The following AKAP9 variants were observed in gnomAD, a reference collection of about 807,000 sequenced individuals.
AKAP9 encodes the protein A-kinase anchoring protein 9.
Under a neutral mutation model 488.5 loss-of-function variants are expected in AKAP9, and 311 were observed. That is an observed-to-expected ratio of 0.64 (90% CI 0.58 to 0.70). The LOEUF is 0.70. AKAP9 is among the 30% of genes least tolerant of loss of function. The probability of loss-of-function intolerance (pLI) is 0.00; values close to 1 mark genes in which losing one functional copy is unlikely to be tolerated. For missense variants in AKAP9, 4,215 were observed against 4,374.5 expected (o/e 0.96, Z 1.03); for synonymous variants, 1,462 against 1,483.5 (o/e 0.99, Z 0.33).
chr7:92,096,248 C>G (rs549574556), intron 40 of AKAP9, among the ~76,000 whole-genome samples: 1 of 151,362 alleles, frequency 6.6e-6, no homozygotes, highest in South Asian at 2.1e-4. Context: ...AGTTAATAAA[C>G]TAAATAATCA....
intron 9 of AKAP9, 139 bp downstream of exon 9, chr7:92,012,781 A>G (rs949736117): frequency 3.6e-5 from 25 of 693,272 alleles, no homozygotes; most frequent in Middle Eastern, 4.0e-4. Flanking sequence ...ATCACTAGAC[A>G]TTCATTTAAG....
chr7:92,003,284 A>T, intron 8 of AKAP9, 49 bp downstream of exon 8: 2 of 1,385,248 alleles, frequency 1.4e-6, no homozygotes, highest in Non-Finnish European at 2.0e-6. Flanking sequence ...AAAAATGTAC[A>T]TTTCACACTA....
intron 1 of AKAP9, among the ~76,000 whole-genome samples, chr7:91,965,343 C>G (rs980233475): frequency 1.3e-5 from 2 of 152,158 alleles, no homozygotes; most frequent in Non-Finnish European, 2.9e-5. Context: ...CATTTGTGTC[C>G]ATGGTGCTGC....
At chr7:91,988,502 C>G (rs1175055497) in intron 3 of AKAP9, among the ~76,000 whole-genome samples, 1 of 151,886 alleles carries the variant, frequency 6.6e-6, no homozygotes, top group African/African-American at 2.4e-5. Context: ...GATTTCTGGG[C>G]AGTATGTAAC....
chr7:92,109,941 A>G (rs1227118768), intron 49 of AKAP9, among the ~76,000 whole-genome samples, 181 bp from the exon 50 acceptor site: 1 of 151,830 alleles, frequency 6.6e-6, no homozygotes, highest in East Asian at 1.9e-4. Flanking sequence ...ACAGAGTAAC[A>G]CTCCACCTTG....
In AKAP9 at chr7:91,974,019, T is replaced by A. The variant is rs1188889472; in HGVS notation, c.306+51T>A. ...CATTATGGTTCTCGATGGAAAGTAG[T>A]CATAACAACAGTCATTAGCAACTGT... is the stretch of plus-strand genomic sequence containing the variant. On this transcript the variant is annotated intron_variant, in intron 2 of 49. Transcript: ENST00000356239. The A allele has an allele frequency of 3.1e-6, 5 of 1,602,876 alleles. No homozygotes were observed. The South Asian group carries it at 5.5e-5, about 18-fold the overall frequency.
At chr7:91,985,001 AAG>A (rs1796884485) in intron 3 of AKAP9, among the ~76,000 whole-genome samples, 1 of 152,174 alleles carries the variant, frequency 6.6e-6, no homozygotes, top group Non-Finnish European at 1.5e-5. Context: ...GACTTTGCTT[AAG>A]GAGATTTTGG....
In AKAP9 at chr7:92,001,035, TAAAA is replaced by T; in HGVS notation, c.1121_1124del (p.Lys374ThrfsTer2). 1.3e-6 allele frequency: 2 copies of T among 1,588,342 alleles called. No homozygotes were observed. Among genetic ancestry groups the T allele is most frequent in the Non-Finnish European group, 1.7e-6 (2 of 1,168,568 alleles). Reference sequence around the variant, plus strand: ...CAGATTGTGCAAAAGAACCAAGAAATAAAAAACATGAAATTAGAGCTGACTAATT... The same window carrying T: ...CAGATTGTGCAAAAGAACCAAGAAATAACATGAAATTAGAGCTGACTAATT... On this transcript the variant is annotated frameshift_variant, in exon 8 of 50. Transcript: ENST00000356239. LOFTEE classifies it high-confidence loss of function.
intron 25 of AKAP9, among the ~76,000 whole-genome samples, chr7:92,065,925 A>AT (rs1175443961): frequency 2.6e-5 from 4 of 151,230 alleles, no homozygotes; most frequent in Admixed American, 1.3e-4. Flanking sequence ...CTAATTTCAC[A>AT]TTTTTTTTTC....
Position 92,107,309 on chromosome 7 carries a change from C to T in AKAP9, c.11433C>T (p.Asp3811=). 1 of 1,613,850 alleles carries T rather than the reference C, an allele frequency of 6.2e-7. No homozygotes were observed. Among genetic ancestry groups the T allele is most frequent in the Non-Finnish European group, 8.5e-7 (1 of 1,179,904 alleles). The part of the protein sequence containing the change: ...FGLNQGAEKT[D]SFYHSSGGLE... ...TTACTTTAGGTGCAGAAAAGACTGA[C>T]TCATTTTATCATTCTTCTGGTGGGC... The change falls in exon 48 of 50, where the codon GAC becomes GAT. Residue 3811 remains aspartate, a synonymous_variant. Transcript: ENST00000356239.
chr7:92,062,526 T>C, intron 24 of AKAP9, 40 bp downstream of exon 24: 1 of 1,560,740 alleles, frequency 6.4e-7, no homozygotes, highest in East Asian at 2.2e-5. Context: ...GTCCTCTGAT[T>C]TTATTTGTAT....
chr7:91,960,288 C>T (rs1793571125), intron 1 of AKAP9, among the ~76,000 whole-genome samples: 1 of 152,080 alleles, frequency 6.6e-6, no homozygotes, highest in Non-Finnish European at 1.5e-5. Context: ...CCAGTCTTGT[C>T]AAAAAAGCAC....
chr7:91,961,034 T>C (rs1793668431), intron 1 of AKAP9, among the ~76,000 whole-genome samples: 1 of 152,200 alleles, frequency 6.6e-6, no homozygotes, highest in Non-Finnish European at 1.5e-5. Flanking sequence ...GACTAAAGGG[T>C]CCTACTGTTA....
At chr7:91,983,730 T>C (rs2130602894) in intron 3 of AKAP9, among the ~76,000 whole-genome samples, 1 of 152,354 alleles carries the variant, frequency 6.6e-6, no homozygotes, top group Admixed American at 6.5e-5. Context: ...TCCACAATGG[T>C]TGAACTAGTT....
chr7:91,947,689 G>C (rs537495468), intron 1 of AKAP9, among the ~76,000 whole-genome samples: 16 of 152,272 alleles, frequency 1.1e-4, no homozygotes, highest in Admixed American at 1.0e-3. Context: ...TTGTCTGTTG[G>C]AATAATCTTA....
intron 23 of AKAP9, 110 bp from the exon 24 acceptor site, chr7:92,062,164 G>T: frequency 1.0e-6 from 1 of 954,522 alleles, no homozygotes; most frequent in East Asian, 2.6e-5. Context: ...TAATAGGTTG[G>T]AATGATGGAA....
At chr7:92,027,681 G>A (rs1183363693) in intron 14 of AKAP9, among the ~76,000 whole-genome samples, 16 of 144,960 alleles carry the variant, frequency 1.1e-4, no homozygotes, top group African/African-American at 3.6e-4. Context: ...TGTGAGGAGC[G>A]CCTCTGCCTG....
At chr7:91,984,939 T>C (rs1796877464) in intron 3 of AKAP9, among the ~76,000 whole-genome samples, 1 of 152,218 alleles carries the variant, frequency 6.6e-6, no homozygotes. Flanking sequence ...GTTTGTCTGT[T>C]AATGGTGTAT....
chr7:92,074,576 A>G (rs1812253741), intron 28 of AKAP9, among the ~76,000 whole-genome samples: 1 of 152,230 alleles, frequency 6.6e-6, no homozygotes, highest in Non-Finnish European at 1.5e-5. Flanking sequence ...GGTTTATTGC[A>G]GCACTATTCA....
Sources: gnomAD v4.1 joint callset for allele counts (sites outside exome capture counted in the v4.1 genomes callset) on GRCh38, gnomAD v4.1.1 for gene constraint, MANE v1.5 for transcripts, NCBI Gene and HGNC (gene_info 2026-07-23, HGNC 2026-07-21) for gene names.